Variants in GRM7 observed in about 807,000 individuals in gnomAD.
GRM7 encodes metabotropic glutamate receptor 7.
A neutral mutation model predicts 84.5 loss-of-function variants in GRM7; 35 were observed. The observed-to-expected ratio is 0.41, with a 90% CI of 0.32 to 0.55. The LOEUF is 0.55. GRM7 is among the 20% of genes least tolerant of loss of function. The pLI, the probability that GRM7 is intolerant of heterozygous loss-of-function variation, is 0.19. For missense variants in GRM7, 1,003 were observed against 1,194.6 expected, an observed-to-expected ratio of 0.84 and a Z score of 2.36; for synonymous variants, 487 against 455.1, an observed-to-expected ratio of 1.07 and a Z score of -0.89.
At chr3:7,239,067 C>T (rs1390007995) in intron 2 of GRM7, among the ~76,000 whole-genome samples, 1 of 145,716 alleles carries the variant, frequency 6.9e-6, no homozygotes. Context: ...TCATGACTCA[C>T]TGAAGCCTGC....
Position 6,887,145 on chromosome 3 carries a change from A to G in GRM7, c.519+25238A>G, listed in dbSNP as rs186452069. On this transcript the variant is annotated intron_variant, in intron 1 of 9. Transcript: ENST00000357716. ...TCCCACTGTTTAAACTGAAAATACC[A>G]GACACATTTACATGTAAACAATGTG... Among the ~76,000 whole-genome samples, 4 of 152,034 alleles carry G rather than the reference A, an allele frequency of 2.6e-5. No homozygotes were observed. The East Asian group carries it at 5.8e-4, about 22-fold the overall frequency.
intron 2 of GRM7, among the ~76,000 whole-genome samples, chr3:7,237,433 A>G (rs1697385376): frequency 6.6e-6 from 1 of 152,156 alleles, no homozygotes; most frequent in African/African-American, 2.4e-5. Context: ...CTGGGTATCC[A>G]GAATTGGTTC....
chr3:7,582,722 C>A (rs111316575), intron 8 of GRM7, among the ~76,000 whole-genome samples: 43 of 152,082 alleles, frequency 2.8e-4, no homozygotes, highest in African/African-American at 1.0e-3. Context: ...ACTAAATGAC[C>A]AAATTGGGGC....
intron 8 of GRM7, among the ~76,000 whole-genome samples, chr3:7,614,123 G>A (rs533717094): frequency 1.8e-3 from 276 of 152,126 alleles, no homozygotes; most frequent in African/African-American, 6.4e-3. Context: ...AAATTAGCCG[G>A]GCATGGTGGT....
At chr3:7,113,705 C>T (rs1247465598) in intron 1 of GRM7, among the ~76,000 whole-genome samples, 3 of 152,118 alleles carry the variant, frequency 2.0e-5, no homozygotes, top group Non-Finnish European at 4.4e-5. Context: ...AATAATGGTG[C>T]ATCTTATTAG....
intron 7 of GRM7, among the ~76,000 whole-genome samples, chr3:7,463,794 A>G (rs1229228864): frequency 1.3e-5 from 2 of 152,172 alleles, no homozygotes; most frequent in East Asian, 1.9e-4. Flanking sequence ...GGTAAGAGCC[A>G]TACTCATGCA....
chr3:7,619,248 G>A (rs1020420965), intron 8 of GRM7, among the ~76,000 whole-genome samples: 16 of 152,112 alleles, frequency 1.1e-4, no homozygotes, highest in Admixed American at 8.5e-4. Flanking sequence ...CAACAATTTA[G>A]GTTATCAACA....
intron 1 of GRM7, among the ~76,000 whole-genome samples, chr3:7,113,150 C>G (rs1692917712): frequency 6.6e-6 from 1 of 151,842 alleles, no homozygotes; most frequent in South Asian, 2.1e-4. Flanking sequence ...ACTTAAAAAT[C>G]ATTGTGTACT....
chr3:7,395,786 A>G (rs1353039562), intron 4 of GRM7, among the ~76,000 whole-genome samples: 4 of 152,192 alleles, frequency 2.6e-5, no homozygotes, highest in African/African-American at 7.2e-5. Flanking sequence ...TCCTTTATAA[A>G]TTACCTAGTC....
intron 1 of GRM7, among the ~76,000 whole-genome samples, chr3:7,069,054 T>C (rs1327834008): frequency 6.8e-6 from 1 of 146,750 alleles, no homozygotes; most frequent in Non-Finnish European, 1.5e-5. Flanking sequence ...ATGATATACA[T>C]AATTTTATAT....
intron 2 of GRM7, among the ~76,000 whole-genome samples, chr3:7,187,118 A>G (rs752433344): frequency 3.3e-5 from 5 of 152,132 alleles, no homozygotes; most frequent in Non-Finnish European, 7.4e-5. Flanking sequence ...AAAAAAATTA[A>G]CAATTGATTT....
At chr3:7,259,160 A>C (rs1698315938) in intron 2 of GRM7, among the ~76,000 whole-genome samples, 1 of 152,188 alleles carries the variant, frequency 6.6e-6, no homozygotes, top group African/African-American at 2.4e-5. Context: ...CAGCATGCCA[A>C]ACACTGGTAA....
intron 1 of GRM7, among the ~76,000 whole-genome samples, chr3:7,124,708 A>C (rs964219771): frequency 1.3e-5 from 2 of 152,230 alleles, no homozygotes; most frequent in African/African-American, 4.8e-5. Flanking sequence ...ATTTATTAAT[A>C]GACCTACTTC....
chr3:7,171,226 G>A (rs937495995), intron 2 of GRM7, among the ~76,000 whole-genome samples: 1 of 152,054 alleles, frequency 6.6e-6, no homozygotes, highest in African/African-American at 2.4e-5. Flanking sequence ...GCTTGTAGAT[G>A]GACTTCTTCT....
intron 8 of GRM7, among the ~76,000 whole-genome samples, chr3:7,632,322 C>T (rs6443118): frequency 0.71 from 107,597 of 152,034 alleles, 38,377 homozygotes; most frequent in South Asian, 0.79. Flanking sequence ...GTAGCCATTA[C>T]TATTCTCAGT....
intron 2 of GRM7, among the ~76,000 whole-genome samples, chr3:7,271,795 T>C (rs750772334): frequency 6.6e-6 from 1 of 152,144 alleles, no homozygotes; most frequent in South Asian, 2.1e-4. Flanking sequence ...AGAAAGCTGC[T>C]TCCTGTTTCC....
At chr3:6,885,366 T>G (rs946607249) in intron 1 of GRM7, among the ~76,000 whole-genome samples, 5 of 152,202 alleles carry the variant, frequency 3.3e-5, no homozygotes, top group African/African-American at 9.7e-5. Context: ...GGGCAACTTA[T>G]GCAGAAATTT....
intron 8 of GRM7, among the ~76,000 whole-genome samples, chr3:7,652,944 C>G (rs1699012516): frequency 6.6e-6 from 1 of 152,114 alleles, no homozygotes; most frequent in African/African-American, 2.4e-5. Context: ...TCAGGCACAT[C>G]CCTGGTTCAG....
chr3:7,528,626 A>G (rs1378094697), intron 7 of GRM7, among the ~76,000 whole-genome samples: 1 of 151,686 alleles, frequency 6.6e-6, no homozygotes, highest in Non-Finnish European at 1.5e-5. Flanking sequence ...TCAATTTGAG[A>G]TCTTTCTTTT....
Sources: allele counts gnomAD v4.1 joint callset (sites outside exome capture counted in the v4.1 genomes callset), GRCh38; gene constraint gnomAD v4.1.1; transcripts MANE v1.5; gene names NCBI Gene and HGNC (gene_info 2026-07-23, HGNC 2026-07-21).